The following FAM120C variants were observed in gnomAD, a reference collection of about 807,000 sequenced individuals.
The protein encoded by FAM120C is family with sequence similarity 120 member C.
FAM120C carries 14 observed loss-of-function variants against 71.2 expected under a neutral mutation model. The observed-to-expected ratio is 0.20, with a 90% CI of 0.13 to 0.31. FAM120C has a LOEUF of 0.31. Among genes scored for constraint, FAM120C ranks in the 10% least tolerant of loss-of-function variants. The probability of loss-of-function intolerance (pLI) is 1.00; values close to 1 mark genes in which losing one functional copy is unlikely to be tolerated. For missense variants in FAM120C, 500 were observed against 879.0 expected (o/e 0.57, Z 5.45); for synonymous variants, 354 against 353.2 (o/e 1.00, Z -0.03).
intron 10 of FAM120C, among the ~76,000 whole-genome samples, chrX:54,110,256 G>A (rs2066929739): frequency 9.2e-6 from 1 of 108,745 alleles, no homozygotes; most frequent in South Asian, 4.0e-4. Flanking sequence ...CCTAAGTGCT[G>A]GGATGACAGG....
chrX:54,083,809 G>A (rs2075082993), intron 13 of FAM120C, among the ~76,000 whole-genome samples: 1 of 110,998 alleles, frequency 9.0e-6, no homozygotes, highest in Non-Finnish European at 1.9e-5. Flanking sequence ...TCCACCTCCC[G>A]GGTTCAAGCA....
chrX:54,116,580 G>A lies in FAM120C; in HGVS notation c.2277C>T (p.Val759=). ...AACACATGAGCAGCAGATGGGTGGG[G>A]ACATTAGCTGGATTGAGCATACTGG... ...DTPSMLNPAN[V]PTHLLLMCCV... is the part of the protein sequence containing the mutation. The change falls in exon 10 of 16, where the codon GTC becomes GTT. Residue 759 remains valine (V), a synonymous_variant. Coordinates refer to ENST00000375180, the MANE Select transcript of FAM120C (RefSeq NM_017848.6). 1 of 1,211,612 alleles carries A rather than the reference G, an allele frequency of 8.3e-7. No homozygotes were observed. Among genetic ancestry groups the A allele is most frequent in the Non-Finnish European group, 1.1e-6 (1 of 895,330 alleles).
chrX:54,078,210 T>C (rs1280697415), intron 15 of FAM120C, among the ~76,000 whole-genome samples: 1 of 108,067 alleles, frequency 9.3e-6, no homozygotes, highest in African/African-American at 3.4e-5. Context: ...CCCAAAGTGC[T>C]GGGATTACAG....
At chrX:54,159,231 G>T in intron 2 of FAM120C, 139 bp downstream of exon 2, 1 of 770,158 alleles carries the variant, frequency 1.3e-6, no homozygotes, top group Non-Finnish European at 1.8e-6. Context: ...ACCATGCTGA[G>T]TTCTCCCCAG....
At chrX:54,135,182 G>T in intron 6 of FAM120C, 71 bp from the exon 7 acceptor site, 1 of 1,006,871 alleles carries the variant, frequency 9.9e-7, no homozygotes. Context: ...CTCAGAAGTT[G>T]TGACACAGTG....
chrX:54,136,927 G>C (rs1348015876), intron 4 of FAM120C, among the ~76,000 whole-genome samples: 1 of 108,548 alleles, frequency 9.2e-6, no homozygotes, highest in Non-Finnish European at 1.9e-5. Context: ...CTTACAGTAT[G>C]TTTTAATTTT....
chrX:54,145,070 A>G (rs2067147938), intron 4 of FAM120C, among the ~76,000 whole-genome samples: 2 of 112,239 alleles, frequency 1.8e-5, no homozygotes, highest in Non-Finnish European at 3.8e-5. Context: ...TGGGGAAAGG[A>G]TTCCCTAGTT....
intron 1 of FAM120C, among the ~76,000 whole-genome samples, chrX:54,160,613 C>G (rs1603363549): frequency 1.8e-5 from 2 of 111,808 alleles, no homozygotes; most frequent in Non-Finnish European, 3.8e-5. Context: ...ACCGGCTCCA[C>G]CAAATTAAGT....
intron 4 of FAM120C, among the ~76,000 whole-genome samples, chrX:54,138,873 A>G (rs2067108697): frequency 1.8e-5 from 2 of 112,615 alleles, no homozygotes; most frequent in Non-Finnish European, 3.7e-5. Context: ...TGGCAACAGA[A>G]GTAAAAATTA....
intron 6 of FAM120C, 44 bp from the exon 7 acceptor site, chrX:54,135,155 G>A: frequency 8.8e-7 from 1 of 1,135,932 alleles, no homozygotes; most frequent in East Asian, 3.0e-5. Context: ...CATTTTATAA[G>A]GCTCCAAGGT....
At chrX:54,081,769 G>A (rs1464250911) in intron 13 of FAM120C, among the ~76,000 whole-genome samples, 4 of 89,537 alleles carry the variant, frequency 4.5e-5, no homozygotes, top group African/African-American at 1.7e-4. Flanking sequence ...ATGAGATTCT[G>A]TCTTGAAAAA....
At chrX:54,089,646 T>C (rs1256463506) in intron 11 of FAM120C, among the ~76,000 whole-genome samples, 1 of 111,316 alleles carries the variant, frequency 9.0e-6, no homozygotes, top group Non-Finnish European at 1.9e-5. Context: ...GCTACATTTA[T>C]TGAGTATTGT....
chrX:54,118,138 G>A (rs782746171), intron 9 of FAM120C, among the ~76,000 whole-genome samples: 2 of 108,893 alleles, frequency 1.8e-5, no homozygotes, highest in South Asian at 4.0e-4. Flanking sequence ...CAGGAGAATC[G>A]CTTGAACCCA....
chrX:54,085,696 C>T lies in FAM120C; in HGVS notation c.2839+19G>A. On this transcript the variant is annotated intron_variant, in intron 13 of 15. Coordinates refer to ENST00000375180, the MANE Select transcript of FAM120C (RefSeq NM_017848.6). ...GACATAAATTGAGGATGGTAAATAC[C>T]TCATTCTTTGGTACTGACCTGCAAA... The T allele has an allele frequency of 3.4e-6, 4 of 1,192,600 alleles. No individual in the cohort carries two copies. The highest frequency in any genetic ancestry group is 4.5e-6 in the Non-Finnish European group (4 of 879,469).
chrX:54,101,953 A>C (rs926021175), intron 10 of FAM120C, among the ~76,000 whole-genome samples: 1 of 111,146 alleles, frequency 9.0e-6, no homozygotes, highest in Non-Finnish European at 1.9e-5. Context: ...GCCTCTGCTT[A>C]TTACCCAGTT....
At chrX:54,175,025 T>C (rs782486074) in intron 1 of FAM120C, among the ~76,000 whole-genome samples, 1 of 111,322 alleles carries the variant, frequency 9.0e-6, no homozygotes, top group South Asian at 3.9e-4. Flanking sequence ...CTCTACTAGA[T>C]AGACTATGAG....
chrX:54,070,160 G>A lies in FAM120C; in HGVS notation c.*2873C>T, dbSNP rs1035759329. Reference sequence around the variant, plus strand: ...TTAGTTTTCCTGGCTTTTAAGTTGTGTATTTTGTCAGATAAATAAAAATCT... The same window carrying A: ...TTAGTTTTCCTGGCTTTTAAGTTGTATATTTTGTCAGATAAATAAAAATCT... On this transcript the variant is annotated 3_prime_UTR_variant, in exon 16 of 16. Coordinates refer to ENST00000375180, the MANE Select transcript of FAM120C (RefSeq NM_017848.6). The A allele has an allele frequency of 8.9e-6, 1 of 111,927 alleles. No homozygotes were observed. Among genetic ancestry groups the A allele is most frequent in the Non-Finnish European group, 1.9e-5 (1 of 53,198 alleles). 9.2% of individuals were successfully genotyped at this position (111,927 alleles called of 1,213,427 possible).
At chrX:54,176,894 A>C in intron 1 of FAM120C, among the ~76,000 whole-genome samples, 1 of 111,551 alleles carries the variant, frequency 9.0e-6, no homozygotes, top group South Asian at 3.8e-4. Flanking sequence ...AAGAGAAAAA[A>C]ATATGAGAGA....
intron 4 of FAM120C, among the ~76,000 whole-genome samples, chrX:54,142,803 C>T (rs781941211): frequency 1.8e-5 from 2 of 112,292 alleles, no homozygotes; most frequent in Admixed American, 9.5e-5. Flanking sequence ...AAGTGGGTCC[C>T]TGAACCCCGA....
Sources: gnomAD v4.1 joint callset for allele counts (sites outside exome capture counted in the v4.1 genomes callset) on GRCh38, gnomAD v4.1.1 for gene constraint, MANE v1.5 for transcripts, NCBI Gene and HGNC (gene_info 2026-07-23, HGNC 2026-07-21) for gene names.